ZFHX4: variants seen among roughly 807,000 people sequenced by gnomAD.
ZFHX4 encodes zinc finger homeobox protein 4.
Under a neutral mutation model 267.6 loss-of-function variants are expected in ZFHX4, and 56 were observed. That is an observed-to-expected ratio of 0.21 (90% CI 0.17 to 0.26). ZFHX4 has a LOEUF of 0.26. ZFHX4 is among the 10% of genes least tolerant of loss of function. The probability of loss-of-function intolerance (pLI) is 1.00; values close to 1 mark genes in which losing one functional copy is unlikely to be tolerated. For missense variants in ZFHX4, 4,332 were observed against 4,420.0 expected (o/e 0.98, Z 0.56); for synonymous variants, 1,778 against 1,665.6 (o/e 1.07, Z -1.64).
chr8:76,705,621 A>G lies in ZFHX4; in HGVS notation c.1533A>G (p.Ser511=). 6.2e-7 allele frequency: 1 copy of G among 1,613,916 alleles called. No homozygotes were observed. Among genetic ancestry groups the G allele is most frequent in the South Asian group, 1.1e-5 (1 of 91,056 alleles). The change falls in exon 2 of 11, where the codon TCA becomes TCG. Residue 511 remains serine, a synonymous_variant. Coordinates refer to ENST00000651372, the MANE Select transcript of ZFHX4 (RefSeq NM_024721.5). Reference sequence around the variant, plus strand: ...TAAACCAAAGCATTTCTCCTTTATCATCCAGTGTGCTAAAATTTATTGAAA... The same window carrying G: ...TAAACCAAAGCATTTCTCCTTTATCGTCCAGTGTGCTAAAATTTATTGAAA... ...PLLNQSISPL[S]SSVLKFIEKG...
rs1812592701 is a variant in ZFHX4 at position 76,853,097 on chromosome 8, C to T, written c.6176C>T (p.Pro2059Leu). 2.6e-6 allele frequency: 4 copies of T among 1,532,816 alleles called. No individual in the cohort carries two copies. The highest frequency in any genetic ancestry group is 2.4e-5 in the South Asian group (2 of 82,874). 95.0% of individuals were successfully genotyped at this position (1,532,816 alleles called of 1,614,324 possible). Reference protein sequence around the residue: ...PPPPPPPPPPPPPSAPPQVQL... With the variant: ...PPPPPPPPPPLPPSAPPQVQL... ...CCTCCTCCTCCTCCCCCCCCACCTC[C>T]TCCACCTTCTGCTCCTCCACAGGTC... is the stretch of plus-strand genomic sequence containing the variant. The change falls in exon 10 of 11, where the codon CCT becomes CTT. Residue 2059 changes from proline (P) to leucine (L), a missense_variant. Physicochemically the swap from Pro to Leu is moderately conservative, Grantham distance 98. Transcript: ENST00000651372.
chr8:76,859,424 G>A (rs1332123319), intron 10 of ZFHX4, among the ~76,000 whole-genome samples: 2 of 152,136 alleles, frequency 1.3e-5, no homozygotes, highest in Middle Eastern at 3.4e-3. Context: ...AATGGCCATA[G>A]AATATCAACG....
chr8:76,840,461 C>T (rs1330996290), intron 5 of ZFHX4, among the ~76,000 whole-genome samples: 2 of 152,186 alleles, frequency 1.3e-5, no homozygotes, highest in South Asian at 2.1e-4. Flanking sequence ...GAATTTCTCT[C>T]ACACTTAAAA....
At chr8:76,813,521 C>T (rs1017193280) in intron 4 of ZFHX4, among the ~76,000 whole-genome samples, 2 of 152,144 alleles carry the variant, frequency 1.3e-5, no homozygotes, top group Non-Finnish European at 2.9e-5. Context: ...AAAATCTCTT[C>T]TTCCTCTTGA....
At chr8:76,833,817 A>G (rs1812001843) in intron 5 of ZFHX4, among the ~76,000 whole-genome samples, 1 of 152,136 alleles carries the variant, frequency 6.6e-6, no homozygotes, top group African/African-American at 2.4e-5. Flanking sequence ...GCATAGTGAC[A>G]TGGATCCATC....
intron 3 of ZFHX4, among the ~76,000 whole-genome samples, chr8:76,749,682 AAAATG>A (rs1809563615): frequency 2.0e-5 from 3 of 152,210 alleles, no homozygotes; most frequent in Admixed American, 6.5e-5. Context: ...GTAATATAGA[AAAATG>A]AAATGAATAA....
intron 4 of ZFHX4, among the ~76,000 whole-genome samples, chr8:76,807,294 A>G (rs1273566749): frequency 1.3e-5 from 2 of 152,094 alleles, no homozygotes; most frequent in African/African-American, 4.8e-5. Context: ...GACGGTGCAC[A>G]GAGAAAAACT....
chr8:76,828,655 A>C (rs1217240292), intron 4 of ZFHX4, among the ~76,000 whole-genome samples: 2 of 152,172 alleles, frequency 1.3e-5, no homozygotes, highest in Admixed American at 6.5e-5. Context: ...GCTCCAGTAG[A>C]AGTGGGAGAA....
chr8:76,706,422 C>T lies in ZFHX4; in HGVS notation c.2334C>T (p.Val778=), dbSNP rs937285124. ...AAGTTTGTGATTATGAAACCAATGT[C>T]GCCAGGAACCTCCGAATTCATATGA... The part of the protein sequence containing the change: ...RCEVCDYETN[V]ARNLRIHMTS... Residue 778 remains valine (V), a synonymous_variant, in exon 2 of 11, where the codon GTC becomes GTT. Coordinates refer to ENST00000651372, the MANE Select transcript of ZFHX4 (RefSeq NM_024721.5). 4 of 1,614,116 alleles carry T rather than the reference C, an allele frequency of 2.5e-6. No individual in the cohort carries two copies. The highest frequency in any genetic ancestry group is 3.4e-6 in the Non-Finnish European group (4 of 1,179,996).
chr8:76,729,734 CA>C (rs1384669061), intron 3 of ZFHX4, among the ~76,000 whole-genome samples: 1 of 152,036 alleles, frequency 6.6e-6, no homozygotes. Flanking sequence ...ATGAACAAAA[CA>C]GAAATATTAT....
At chr8:76,812,575 T>C (rs1485610843) in intron 4 of ZFHX4, among the ~76,000 whole-genome samples, 1 of 152,228 alleles carries the variant, frequency 6.6e-6, no homozygotes, top group Non-Finnish European at 1.5e-5. Context: ...ACAGAAAATA[T>C]GCTTTTCAGA....
intron 4 of ZFHX4, among the ~76,000 whole-genome samples, chr8:76,791,014 T>C (rs561072561): frequency 6.6e-6 from 1 of 152,248 alleles, no homozygotes; most frequent in Admixed American, 6.5e-5. Flanking sequence ...TTACTAAAAT[T>C]AAAGCAAAAA....
chr8:76,705,836 A>T lies in ZFHX4; in HGVS notation c.1748A>T (p.Asp583Val). The T allele has an allele frequency of 6.2e-7, 1 of 1,613,922 alleles. No homozygotes were observed. Among genetic ancestry groups the T allele is most frequent in the South Asian group, 1.1e-5 (1 of 91,070 alleles). ...HPSEIARGDEDSSATPHQHGF... is the reference protein window; with the variant it reads ...HPSEIARGDEVSSATPHQHGF... ...AGTGAAATAGCCCGGGGAGACGAAGACAGTTCAGCCACTCCTCACCAGCAT... is the reference window on the plus strand; with the variant it reads ...AGTGAAATAGCCCGGGGAGACGAAGTCAGTTCAGCCACTCCTCACCAGCAT... Residue 583 changes from aspartate to valine, a missense_variant, in exon 2 of 11, where the codon GAC becomes GTC. Asp to Val is a radical substitution (Grantham distance 152). Transcript: ENST00000651372.
chr8:76,707,681 G>A lies in ZFHX4; in HGVS notation c.2726G>A (p.Cys909Tyr). ...PALKLFQCAVCNKFTSDSLEA... is the reference protein window; with the variant it reads ...PALKLFQCAVYNKFTSDSLEA... ...CTGAAGCTATTCCAGTGTGCTGTTT[G>A]CAACAAATTCACCTCTGACAGCCTG... The change falls in exon 3 of 11, where the codon TGC becomes TAC. Residue 909 changes from cysteine to tyrosine, a missense_variant. Cys to Tyr is a radical substitution (Grantham distance 194). Transcript: ENST00000651372. The A allele has an allele frequency of 6.2e-7, 1 of 1,613,794 alleles. No individual in the cohort carries two copies. Among genetic ancestry groups the A allele is most frequent in the Non-Finnish European group, 8.5e-7 (1 of 1,179,868 alleles).
At chr8:76,796,297 G>T (rs1482383231) in intron 4 of ZFHX4, among the ~76,000 whole-genome samples, 1 of 152,130 alleles carries the variant, frequency 6.6e-6, no homozygotes, top group Non-Finnish European at 1.5e-5. Context: ...TATTATTTTA[G>T]AATAGAGAAG....
intron 4 of ZFHX4, among the ~76,000 whole-genome samples, chr8:76,802,352 T>C (rs577732729): frequency 3.2e-4 from 49 of 152,312 alleles, no homozygotes; most frequent in African/African-American, 1.2e-3. Flanking sequence ...CAATCGTGTT[T>C]GGCTTGCTTT....
At chr8:76,784,019 A>G (rs1810621450) in intron 4 of ZFHX4, among the ~76,000 whole-genome samples, 1 of 151,976 alleles carries the variant, frequency 6.6e-6, no homozygotes, top group African/African-American at 2.4e-5. Flanking sequence ...AGCTTTTTAA[A>G]ATAATTAGTC....
At chr8:76,801,491 A>G (rs1457264979) in intron 4 of ZFHX4, among the ~76,000 whole-genome samples, 1 of 152,152 alleles carries the variant, frequency 6.6e-6, no homozygotes, top group Non-Finnish European at 1.5e-5. Context: ...CATTCAGTTT[A>G]TGACATCTAA....
At chr8:76,806,516 A>ATT (rs1342764601) in intron 4 of ZFHX4, among the ~76,000 whole-genome samples, 3 of 152,120 alleles carry the variant, frequency 2.0e-5, no homozygotes, top group Non-Finnish European at 4.4e-5. Context: ...GGTAATGATA[A>ATT]TTTATTTTAT....
Sources: allele counts gnomAD v4.1 joint callset (sites outside exome capture counted in the v4.1 genomes callset), GRCh38; gene constraint gnomAD v4.1.1; transcripts MANE v1.5; gene names NCBI Gene and HGNC (gene_info 2026-07-23, HGNC 2026-07-21).